Variants in MAOB observed in about 807,000 individuals in gnomAD.
MAOB encodes amine oxidase [flavin-containing] B.
Under a neutral mutation model 41.9 loss-of-function variants are expected in MAOB, and 15 were observed. That is an observed-to-expected ratio of 0.36 (90% CI 0.24 to 0.55). The LOEUF (loss-of-function observed/expected upper bound fraction) is 0.55, where lower values mean the gene tolerates loss of function less well. MAOB is among the 20% of genes least tolerant of loss of function. The pLI, the probability that MAOB is intolerant of heterozygous loss-of-function variation, is 0.86. For missense variants in MAOB, 345 were observed against 398.7 expected, an observed-to-expected ratio of 0.87 and a Z score of 1.15; for synonymous variants, 167 against 144.2, an observed-to-expected ratio of 1.16 and a Z score of -1.13.
intron 3 of MAOB, among the ~76,000 whole-genome samples, chrX:43,829,023 A>G (rs761204193): frequency 1.3e-4 from 15 of 111,848 alleles, no homozygotes; most frequent in Non-Finnish European, 2.6e-4. Flanking sequence ...GTTTCCCTTG[A>G]GAGCCTAAAT....
chrX:43,822,333 GGTTTTCTTGGTCCCAAAAGGAGCTCT>G (rs1262069971), intron 3 of MAOB, among the ~76,000 whole-genome samples: 4 of 112,290 alleles, frequency 3.6e-5, no homozygotes, highest in Admixed American at 2.8e-4. Context: ...CAAATAGAAA[GGTTTTCTTGGTCCCAAAAGGAGCTCT>G]GTTGCTATGA....
chrX:43,833,049 A>C (rs1262300626), intron 3 of MAOB, among the ~76,000 whole-genome samples: 1 of 111,064 alleles, frequency 9.0e-6, no homozygotes, highest in African/African-American at 3.3e-5. Context: ...GACAAAAAGT[A>C]GTCCCCAACC....
chrX:43,865,763 T>A (rs2035361128), intron 1 of MAOB, among the ~76,000 whole-genome samples: 1 of 108,717 alleles, frequency 9.2e-6, no homozygotes, highest in Admixed American at 9.9e-5. Context: ...TGAACTACAG[T>A]GACTGACTCT....
At chrX:43,874,966 G>A (rs756458111) in intron 1 of MAOB, among the ~76,000 whole-genome samples, 1 of 111,891 alleles carries the variant, frequency 8.9e-6, no homozygotes, top group Non-Finnish European at 1.9e-5. Context: ...CTGAGGCTGG[G>A]AACTTAGTCT....
intron 2 of MAOB, among the ~76,000 whole-genome samples, chrX:43,841,789 C>T (rs188611462): frequency 8.9e-6 from 1 of 111,748 alleles, no homozygotes; most frequent in Non-Finnish European, 1.9e-5. Flanking sequence ...GATGAAGATT[C>T]CAAGAACACA....
At chrX:43,835,911 C>T (rs1044934080) in intron 3 of MAOB, among the ~76,000 whole-genome samples, 3 of 111,773 alleles carry the variant, frequency 2.7e-5, no homozygotes, top group Non-Finnish European at 5.6e-5. Context: ...GCACATAAAA[C>T]TCTATTTCCC....
At chrX:43,833,590 G>A (rs1029411935) in intron 3 of MAOB, among the ~76,000 whole-genome samples, 6 of 111,284 alleles carry the variant, frequency 5.4e-5, no homozygotes, top group Non-Finnish European at 9.4e-5. Flanking sequence ...TAGTATAGAA[G>A]CTGTAAAATT....
intron 3 of MAOB, among the ~76,000 whole-genome samples, chrX:43,822,733 G>T (rs1267137235): frequency 8.9e-6 from 1 of 111,740 alleles, no homozygotes; most frequent in Non-Finnish European, 1.9e-5. Flanking sequence ...ACACCCATAT[G>T]CTTTTTGAAA....
intron 13 of MAOB, 104 bp downstream of exon 13, chrX:43,769,203 G>A (rs2034149313): frequency 1.9e-6 from 2 of 1,029,550 alleles, no homozygotes; most frequent in Non-Finnish European, 2.5e-6. Flanking sequence ...GTCTTAAGAT[G>A]GGGGTTACTG....
At chrX:43,834,841 C>A (rs940351681) in intron 3 of MAOB, among the ~76,000 whole-genome samples, 5 of 112,499 alleles carry the variant, frequency 4.4e-5, no homozygotes, top group Non-Finnish European at 7.5e-5. Flanking sequence ...AGGTTAAGAC[C>A]AAAAAGTCCT....
At chrX:43,855,606 TG>T (rs1415427108) in intron 1 of MAOB, among the ~76,000 whole-genome samples, 2 of 111,884 alleles carry the variant, frequency 1.8e-5, no homozygotes, top group Non-Finnish European at 3.8e-5. Context: ...AATACATAAC[TG>T]TAGTTAGAGA....
At chrX:43,794,388 T>C (rs1296758346) in intron 7 of MAOB, among the ~76,000 whole-genome samples, 1 of 110,823 alleles carries the variant, frequency 9.0e-6, no homozygotes, top group Non-Finnish European at 1.9e-5. Flanking sequence ...TCTCACTTTC[T>C]GGTATGCCCT....
intron 8 of MAOB, among the ~76,000 whole-genome samples, chrX:43,789,535 T>C (rs773201713): frequency 2.7e-5 from 3 of 112,053 alleles, no homozygotes; most frequent in African/African-American, 9.7e-5. Flanking sequence ...ACCACAAGAA[T>C]TCAATGCATT....
In MAOB at chrX:43,767,432, A is replaced by T. The variant is rs777026159; in HGVS notation, c.*34T>A. ...CCCAAACTCATATCCCAAATACAGT[A>T]AGAAGAGAGTGTGATTACAGACACC... On this transcript the variant is annotated 3_prime_UTR_variant, in exon 15 of 15. Transcript: ENST00000378069. 1.2e-4 allele frequency: 146 copies of T among 1,178,202 alleles called. No homozygotes were observed. The highest frequency in any genetic ancestry group is 1.6e-4 in the Non-Finnish European group (139 of 873,183).
intron 12 of MAOB, 120 bp downstream of exon 12, chrX:43,775,055 G>GTTTTTT (rs373072993): frequency 2.4e-5 from 15 of 616,924 alleles, no homozygotes; most frequent in South Asian, 7.5e-5. Context: ...AAATTGGGTT[G>GTTTTTT]TTTTTTTTTT....
chrX:43,831,282 C>T (rs2035017096), intron 3 of MAOB, among the ~76,000 whole-genome samples: 1 of 111,502 alleles, frequency 9.0e-6, no homozygotes, highest in Non-Finnish European at 1.9e-5. Context: ...TCTCATAGAT[C>T]ATGAGCTTTC....
intron 3 of MAOB, among the ~76,000 whole-genome samples, chrX:43,821,871 G>A (rs1043940343): frequency 3.9e-4 from 44 of 111,840 alleles, no homozygotes; most frequent in African/African-American, 1.4e-3. Flanking sequence ...TAATTTTCAA[G>A]GGAACACTTG....
chrX:43,818,285 G>A (rs1602001625), intron 3 of MAOB, among the ~76,000 whole-genome samples: 2 of 112,272 alleles, frequency 1.8e-5, no homozygotes, highest in Admixed American at 1.9e-4. Context: ...ACACAGTTGG[G>A]TTGTTTCCAC....
At chrX:43,845,556 G>C (rs1450542847) in intron 1 of MAOB, among the ~76,000 whole-genome samples, 1 of 111,885 alleles carries the variant, frequency 8.9e-6, no homozygotes, top group Non-Finnish European at 1.9e-5. Context: ...ATAAGGAGTA[G>C]GTGACAAAGC....
Sources: gnomAD v4.1 joint callset for allele counts (sites outside exome capture counted in the v4.1 genomes callset) on GRCh38, gnomAD v4.1.1 for gene constraint, MANE v1.5 for transcripts, NCBI Gene and HGNC (gene_info 2026-07-23, HGNC 2026-07-21) for gene names.